DNER: variants seen among roughly 807,000 people sequenced by gnomAD.
DNER encodes delta and Notch-like epidermal growth factor-related receptor.
In DNER, 33 loss-of-function variants were observed where a neutral mutation model predicts 78.2. The observed-to-expected ratio is 0.42, with a 90% CI of 0.32 to 0.56. The LOEUF is 0.56. Among genes scored for constraint, DNER ranks in the 20% least tolerant of loss-of-function variants. The probability of loss-of-function intolerance (pLI) is 0.11; values close to 1 mark genes in which losing one functional copy is unlikely to be tolerated. For missense variants in DNER, 918 were observed against 975.3 expected, an observed-to-expected ratio of 0.94 and a Z score of 0.78; for synonymous variants, 417 against 384.8, an observed-to-expected ratio of 1.08 and a Z score of -0.98.
At chr2:229,607,586 G>A (rs966095952) in intron 1 of DNER, among the ~76,000 whole-genome samples, 2 of 152,202 alleles carry the variant, frequency 1.3e-5, no homozygotes, top group Non-Finnish European at 2.9e-5. Flanking sequence ...ATTTGAAGAA[G>A]AATAAAGATA....
chr2:229,399,504 G>C (rs1452352454), intron 10 of DNER, among the ~76,000 whole-genome samples: 1 of 151,944 alleles, frequency 6.6e-6, no homozygotes, highest in Non-Finnish European at 1.5e-5. Context: ...TAATTCCTCA[G>C]CAAAATCTTT....
At chr2:229,629,351 TACATATGA>T (rs1698396936) in intron 1 of DNER, among the ~76,000 whole-genome samples, 1 of 152,356 alleles carries the variant, frequency 6.6e-6, no homozygotes, top group Admixed American at 6.5e-5. Flanking sequence ...ACAAAACTCT[TACATATGA>T]TTAGACTTAT....
chr2:229,449,166 T>C (rs1694400390), intron 7 of DNER, among the ~76,000 whole-genome samples: 1 of 152,210 alleles, frequency 6.6e-6, no homozygotes, highest in Non-Finnish European at 1.5e-5. Context: ...AACACTTGAA[T>C]TCTCCAAAAA....
At chr2:229,692,827 A>G (rs1294978067) in intron 1 of DNER, among the ~76,000 whole-genome samples, 1 of 152,072 alleles carries the variant, frequency 6.6e-6, no homozygotes, top group Non-Finnish European at 1.5e-5. Context: ...TTTATAAAGT[A>G]TTTTTCTTAT....
intron 7 of DNER, among the ~76,000 whole-genome samples, chr2:229,468,811 C>T (rs1694859861): frequency 6.6e-6 from 1 of 152,050 alleles, no homozygotes; most frequent in Admixed American, 6.6e-5. Flanking sequence ...GAAGGCATAC[C>T]ACGAGGAGTG....
chr2:229,553,988 C>T (rs1696797835), intron 4 of DNER, among the ~76,000 whole-genome samples: 1 of 152,152 alleles, frequency 6.6e-6, no homozygotes, highest in Admixed American at 6.5e-5. Context: ...ATAAAAGGTG[C>T]TAAGACAATG....
At chr2:229,652,992 A>C (rs922096119) in intron 1 of DNER, among the ~76,000 whole-genome samples, 1 of 152,074 alleles carries the variant, frequency 6.6e-6, no homozygotes, top group Non-Finnish European at 1.5e-5. Context: ...TTCTCCCCGG[A>C]ATTTGCTGTT....
intron 1 of DNER, among the ~76,000 whole-genome samples, chr2:229,648,528 G>A (rs1235559488): frequency 1.3e-5 from 2 of 152,176 alleles, no homozygotes; most frequent in South Asian, 2.1e-4. Flanking sequence ...TGGAAGTGCC[G>A]AATTGAAGCT....
intron 1 of DNER, among the ~76,000 whole-genome samples, chr2:229,704,266 T>A (rs560988318): frequency 6.6e-6 from 1 of 152,332 alleles, no homozygotes; most frequent in East Asian, 1.9e-4. Context: ...AATGCAATGG[T>A]ACACCTCTTC....
At chr2:229,538,095 T>C (rs1696445158) in intron 5 of DNER, among the ~76,000 whole-genome samples, 1 of 152,244 alleles carries the variant, frequency 6.6e-6, no homozygotes, top group Admixed American at 6.5e-5. Flanking sequence ...GCACTTACTT[T>C]TATGATCTCT....
At chr2:229,368,358 G>A (rs1208607728) in intron 11 of DNER, among the ~76,000 whole-genome samples, 2 of 152,082 alleles carry the variant, frequency 1.3e-5, no homozygotes, top group East Asian at 1.9e-4. Flanking sequence ...GTGAGACCCT[G>A]TCTCAAAAGA....
chr2:229,659,365 G>A (rs1361007500), intron 1 of DNER, among the ~76,000 whole-genome samples: 1 of 152,100 alleles, frequency 6.6e-6, no homozygotes, highest in African/African-American at 2.4e-5. Flanking sequence ...TCACTAGCAA[G>A]CAAGTCCCCA....
intron 1 of DNER, among the ~76,000 whole-genome samples, chr2:229,638,328 G>C (rs1698560397): frequency 6.6e-6 from 1 of 152,164 alleles, no homozygotes; most frequent in Non-Finnish European, 1.5e-5. Flanking sequence ...GTCTAGTACA[G>C]ATTACCTATA....
intron 9 of DNER, among the ~76,000 whole-genome samples, chr2:229,410,675 G>A (rs1420549861): frequency 6.6e-6 from 1 of 152,186 alleles, no homozygotes; most frequent in African/African-American, 2.4e-5. Context: ...AAGGGATGGA[G>A]AAGAAATGTT....
intron 1 of DNER, 149 bp downstream of exon 1, chr2:229,713,999 G>T: frequency 9.3e-6 from 8 of 858,688 alleles, no homozygotes; most frequent in Non-Finnish European, 1.2e-5. Flanking sequence ...CCGCGTCCAC[G>T]CGGGCCAAGA....
chr2:229,666,889 T>C (rs1263604964), intron 1 of DNER, among the ~76,000 whole-genome samples: 3 of 152,306 alleles, frequency 2.0e-5, no homozygotes, highest in East Asian at 3.9e-4. Flanking sequence ...GCTGGAGTGA[T>C]GCATCAGATG....
chr2:229,501,139 GAGGA>G (rs1473674659), intron 6 of DNER, among the ~76,000 whole-genome samples: 1 of 151,978 alleles, frequency 6.6e-6, no homozygotes, highest in Admixed American at 6.6e-5. Context: ...AGGAGGAGGG[GAGGA>G]CAAGATTGGA....
intron 1 of DNER, among the ~76,000 whole-genome samples, chr2:229,594,816 C>G (rs1179829551): frequency 6.6e-6 from 1 of 151,906 alleles, no homozygotes; most frequent in Admixed American, 6.6e-5. Context: ...AAACAAGTAG[C>G]TATTAAATGT....
intron 10 of DNER, among the ~76,000 whole-genome samples, chr2:229,398,138 G>A (rs1693190513): frequency 6.6e-6 from 1 of 151,814 alleles, no homozygotes; most frequent in African/African-American, 2.4e-5. Flanking sequence ...ATTGACAAAG[G>A]AAAAAAGAGA....
Sources: allele counts gnomAD v4.1 joint callset (sites outside exome capture counted in the v4.1 genomes callset), GRCh38; gene constraint gnomAD v4.1.1; transcripts MANE v1.5; gene names NCBI Gene and HGNC (gene_info 2026-07-23, HGNC 2026-07-21).